The following NTMT2 variants were observed in gnomAD, a reference collection of about 807,000 sequenced individuals.
The protein encoded by NTMT2 is X-Pro-Lys N-terminal protein methyltransferase 1B.
In NTMT2, 21 loss-of-function variants were observed where a neutral mutation model predicts 23.4. That is an observed-to-expected ratio of 0.90 (90% confidence interval 0.64 to 1.29). NTMT2 has a LOEUF of 1.29. NTMT2 is among the 50% of genes most tolerant of loss of function. The pLI, the probability that NTMT2 is intolerant of heterozygous loss-of-function variation, is 0.00. For missense variants in NTMT2, 336 were observed against 352.0 expected, an observed-to-expected ratio of 0.95 and a Z score of 0.36; for synonymous variants, 131 against 127.7, an observed-to-expected ratio of 1.03 and a Z score of -0.17.
At chr1:170,157,756 A>G (rs1673193076) in intron 1 of NTMT2, among the ~76,000 whole-genome samples, 1 of 152,156 alleles carries the variant, frequency 6.6e-6, no homozygotes, top group Non-Finnish European at 1.5e-5. Context: ...TGCCCTGATC[A>G]TAACATTTTT....
chr1:170,149,501 C>A lies in NTMT2; in HGVS notation c.154+3240C>A, dbSNP rs1345481263. On this transcript the variant is annotated intron_variant, in intron 1 of 3. Coordinates refer to ENST00000439373, the MANE Select transcript of NTMT2 (RefSeq NM_001136107.2). Reference sequence around the variant, plus strand: ...TCTCATTCCCATGAGAGTAAAGACTCGCCTATTTTTTCCTCTTTTGTATCT... The same window carrying A: ...TCTCATTCCCATGAGAGTAAAGACTAGCCTATTTTTTCCTCTTTTGTATCT... Among the ~76,000 whole-genome samples the A allele has an allele frequency of 2.0e-5, 3 of 152,150 alleles. No homozygotes were observed. In the East Asian group the frequency reaches 5.8e-4, roughly 29 times the overall value.
At chr1:170,150,813 GA>G (rs1297520443) in intron 1 of NTMT2, among the ~76,000 whole-genome samples, 1 of 152,052 alleles carries the variant, frequency 6.6e-6, no homozygotes, top group East Asian at 1.9e-4. Context: ...GGCTATTCAT[GA>G]ACAAATAGGA....
At chr1:170,159,541 CT>C (rs907387179) in intron 1 of NTMT2, among the ~76,000 whole-genome samples, 40 of 146,322 alleles carry the variant, frequency 2.7e-4, no homozygotes, top group African/African-American at 9.3e-4. Flanking sequence ...AATTCTTTAG[CT>C]TTGTTCCGTC....
intron 3 of NTMT2, among the ~76,000 whole-genome samples, chr1:170,167,162 T>C (rs907905147): frequency 8.5e-5 from 13 of 152,166 alleles, no homozygotes; most frequent in Admixed American, 4.6e-4. Flanking sequence ...GGGGTGTGTG[T>C]GTGAGACACA....
chr1:170,165,675 C>T (rs1215462654), intron 2 of NTMT2, among the ~76,000 whole-genome samples: 1 of 152,146 alleles, frequency 6.6e-6, no homozygotes, highest in African/African-American at 2.4e-5. Context: ...TTGAATGAAT[C>T]TTTAATTTTA....
chr1:170,154,839 T>A (rs976725915), intron 1 of NTMT2, among the ~76,000 whole-genome samples: 11 of 152,080 alleles, frequency 7.2e-5, no homozygotes, highest in Admixed American at 7.2e-4. Flanking sequence ...ATCATATGGT[T>A]TGGATATTTG....
At chr1:170,166,140 C>CTTTTTTTTTTT (rs3040077) in intron 2 of NTMT2, among the ~76,000 whole-genome samples, 1 of 67,792 alleles carries the variant, frequency 1.5e-5, no homozygotes, top group Admixed American at 2.3e-4. Flanking sequence ...TTTTTTTTTT[C>CTTTTTTTTTTT]TTTTTTTTTT....
intron 1 of NTMT2, among the ~76,000 whole-genome samples, chr1:170,159,421 G>GTTT (rs869095905): frequency 3.0e-5 from 1 of 33,468 alleles, no homozygotes; most frequent in Non-Finnish European, 5.4e-5. Context: ...TTATGCTCTG[G>GTTT]TTTTTTTTTT....
intron 1 of NTMT2, among the ~76,000 whole-genome samples, chr1:170,147,962 C>T (rs563634207): frequency 1.3e-5 from 2 of 151,980 alleles, no homozygotes; most frequent in East Asian, 3.9e-4. Context: ...TAATGTTTTA[C>T]CAATGAGTTT....
intron 1 of NTMT2, among the ~76,000 whole-genome samples, chr1:170,152,156 A>T (rs1413073828): frequency 6.6e-6 from 1 of 152,232 alleles, no homozygotes. Flanking sequence ...AGGATTACAA[A>T]AAAATAAAAT....
chr1:170,154,938 C>T (rs1186029354), intron 1 of NTMT2, among the ~76,000 whole-genome samples: 2 of 152,142 alleles, frequency 1.3e-5, no homozygotes, highest in Non-Finnish European at 2.9e-5. Context: ...ACAGGTCCCT[C>T]ATGGCTTGGT....
chr1:170,151,967 G>C (rs1296836949), intron 1 of NTMT2, among the ~76,000 whole-genome samples: 2 of 152,188 alleles, frequency 1.3e-5, no homozygotes, highest in East Asian at 3.9e-4. Flanking sequence ...CTAATTGGGA[G>C]GACAGGTATT....
intron 1 of NTMT2, among the ~76,000 whole-genome samples, chr1:170,146,817 T>A (rs182235205): frequency 1.3e-5 from 2 of 152,246 alleles, no homozygotes; most frequent in Non-Finnish European, 2.9e-5. Flanking sequence ...TATTAAGAAG[T>A]CAGTGGTCTG....
rs964725268 is a variant in NTMT2 at position 170,167,902 on chromosome 1, G to A, written c.*145G>A. ...CTGCAAATTATTTGTGATATAATAT[G>A]TACATGTTTTCAGTGATTATATAAT... On this transcript the variant is annotated 3_prime_UTR_variant, in exon 4 of 4. Transcript: ENST00000439373. The A allele has an allele frequency of 1.5e-5, 13 of 846,458 alleles. No homozygotes were observed. The African/African-American group carries it at 1.9e-4, about 12-fold the overall frequency. 52.4% of individuals were successfully genotyped at this position (846,458 alleles called of 1,614,324 possible).
At chr1:170,147,163 C>T (rs1031257287) in intron 1 of NTMT2, among the ~76,000 whole-genome samples, 7 of 152,104 alleles carry the variant, frequency 4.6e-5, no homozygotes, top group Admixed American at 6.6e-5. Flanking sequence ...TTCAAGCAAC[C>T]GAATGTTAGC....
Position 170,167,137 on chromosome 1 carries a change from A to G in NTMT2, c.581-349A>G, listed in dbSNP as rs545983932. On this transcript the variant is annotated intron_variant, in intron 3 of 3. Coordinates refer to ENST00000439373, the MANE Select transcript of NTMT2 (RefSeq NM_001136107.2). ...TTAAATCCCCAGGAAATGAGACAGC[A>G]GTGAATTTGATTTTGGGGTGTGTGT... Among the ~76,000 whole-genome samples the G allele has an allele frequency of 2.6e-5, 4 of 152,306 alleles. No individual in the cohort carries two copies. In the South Asian group the frequency reaches 8.3e-4, roughly 32 times the overall value.
intron 1 of NTMT2, among the ~76,000 whole-genome samples, chr1:170,155,892 G>A (rs1673155393): frequency 6.6e-6 from 1 of 151,828 alleles, no homozygotes; most frequent in African/African-American, 2.4e-5. Flanking sequence ...TTTTGAGTGA[G>A]TATTCTGTTT....
intron 1 of NTMT2, among the ~76,000 whole-genome samples, chr1:170,150,322 A>T (rs1673044356): frequency 1.3e-5 from 2 of 152,256 alleles, no homozygotes. Context: ...CCAATGGAAG[A>T]CTCAGCTATG....
At chr1:170,165,929 T>G (rs1673369677) in intron 2 of NTMT2, among the ~76,000 whole-genome samples, 1 of 151,800 alleles carries the variant, frequency 6.6e-6, no homozygotes, top group Admixed American at 6.6e-5. Flanking sequence ...TTTGGATAAA[T>G]AAAGAAAGCA....
Sources: gnomAD v4.1 joint callset for allele counts (sites outside exome capture counted in the v4.1 genomes callset) on GRCh38, gnomAD v4.1.1 for gene constraint, MANE v1.5 for transcripts, NCBI Gene and HGNC (gene_info 2026-07-23, HGNC 2026-07-21) for gene names.